CXADR: variants seen among roughly 807,000 people sequenced by gnomAD.
The protein encoded by CXADR is CXADR cell adhesion molecule, also known as coxsackievirus and adenovirus receptor.
A neutral mutation model predicts 40.3 loss-of-function variants in CXADR; 20 were observed. The observed-to-expected ratio is 0.50, with a 90% confidence interval of 0.35 to 0.72. The LOEUF is 0.72. Among genes scored for constraint, CXADR ranks in the 30% least tolerant of loss-of-function variants. CXADR has a pLI of 0.01. For missense variants in CXADR, 332 were observed against 449.1 expected, an observed-to-expected ratio of 0.74 and a Z score of 2.36; for synonymous variants, 150 against 161.3, an observed-to-expected ratio of 0.93 and a Z score of 0.53.
chr21:17,591,060 T>TA lies in CXADR; in HGVS notation c.1018-2084dup, dbSNP rs144886105. 6.5e-3 allele frequency among the ~76,000 whole-genome samples: 988 copies of TA among 152,032 alleles called. 59 individuals are homozygous for TA. The East Asian group carries it at 0.13, about 20-fold the overall frequency. ...TTACCTTCGCACTGGTTCCTTTTTTTAAAAAAAATCTTGGTCTGATAATGA... is the reference window on the plus strand; with the variant it reads ...TTACCTTCGCACTGGTTCCTTTTTTTAAAAAAAAATCTTGGTCTGATAATGA... On this transcript the variant is annotated intron_variant, in intron 7 of 7. Coordinates refer to the CXADR transcript ENST00000400169.
At chr21:17,604,926 A>G in the CXADR span, 22 of 1,614,092 alleles carry the variant, frequency 1.4e-5, no homozygotes, top group East Asian at 2.2e-5. Context: ...GTCACTATAC[A>G]AGATGCAGCT....
chr21:17,533,462 G>C (rs1270724223), intron 1 of CXADR, among the ~76,000 whole-genome samples: 1 of 152,166 alleles, frequency 6.6e-6, no homozygotes, highest in East Asian at 1.9e-4. Flanking sequence ...TGATGTTCGT[G>C]GATTGACTTC....
rs543186109 is a variant in CXADR, at chr21:17,568,007, GAT to G, written c.*2317_*2318del. The G allele has an allele frequency of 7.7e-5, 76 of 984,392 alleles. 1 individual carries two copies. The South Asian group carries it at 2.4e-3, about 31-fold the overall frequency. The allele number at this position is 984,392 out of a possible 1,614,324, so 61.0% of individuals were successfully genotyped here. ...AATACGTTTTCAAGTAGTTCTCACT[GAT>G]AATTTAGTTGAACCAGAGATCAAAT... On this transcript the variant is annotated 3_prime_UTR_variant, in exon 7 of 7. Transcript: ENST00000284878.
At chr21:17,618,666 A>AG in the CXADR span, among the ~76,000 whole-genome samples, 1 of 152,012 alleles carries the variant, frequency 6.6e-6, no homozygotes, top group Non-Finnish European at 1.5e-5. Context: ...CCTCCCAAGT[A>AG]GCTGGGATTA....
intron 1 of CXADR, among the ~76,000 whole-genome samples, chr21:17,539,918 G>GT (rs138106108): frequency 0.01 from 1,557 of 152,268 alleles, 29 homozygotes; most frequent in African/African-American, 0.036. Flanking sequence ...TATGCAGTCT[G>GT]TATTAGTCTG....
chr21:17,514,769 G>A (rs1219059302), intron 1 of CXADR, among the ~76,000 whole-genome samples: 3 of 151,774 alleles, frequency 2.0e-5, no homozygotes, highest in African/African-American at 4.8e-5. Flanking sequence ...GAGTAGCTGG[G>A]ATTACAGGCA....
intron 7 of CXADR, among the ~76,000 whole-genome samples, chr21:17,582,386 CTGTT>C (rs1044019739): frequency 2.0e-5 from 3 of 152,146 alleles, no homozygotes; most frequent in African/African-American, 7.2e-5. Context: ...AGTTATCTGA[CTGTT>C]TGTATTTGCC....
intron 1 of CXADR, among the ~76,000 whole-genome samples, chr21:17,521,741 CAGT>C (rs2060533194): frequency 1.3e-5 from 2 of 152,204 alleles, no homozygotes; most frequent in South Asian, 4.1e-4. Flanking sequence ...TTCCAGAGGA[CAGT>C]AGCATATCCC....
chr21:17,577,095 C>T (rs1413392518), intron 7 of CXADR, among the ~76,000 whole-genome samples: 1 of 152,072 alleles, frequency 6.6e-6, no homozygotes, highest in Non-Finnish European at 1.5e-5. Flanking sequence ...AAAATACCTG[C>T]CAGTAACGAG....
At chr21:17,593,131 T>A in intron 7 of CXADR, 2 of 1,398,850 alleles carry the variant, frequency 1.4e-6, no homozygotes, top group Non-Finnish European at 1.9e-6. Context: ...TATAGAGATA[T>A]CTCTTTTTTT....
At chr21:17,634,182 AAG>A in the CXADR span, among the ~76,000 whole-genome samples, 2 of 152,224 alleles carry the variant, frequency 1.3e-5, no homozygotes, top group South Asian at 4.1e-4. Flanking sequence ...TCATGAACCC[AAG>A]AGTATGATCT....
chr21:17,522,993 TC>T (rs1440707492), intron 1 of CXADR, among the ~76,000 whole-genome samples: 3 of 152,198 alleles, frequency 2.0e-5, no homozygotes, highest in Non-Finnish European at 4.4e-5. Context: ...TTTCCTATTT[TC>T]CCATCTGCTC....
At chr21:17,535,478 CA>C (rs998171242) in intron 1 of CXADR, among the ~76,000 whole-genome samples, 1 of 152,068 alleles carries the variant, frequency 6.6e-6, no homozygotes, top group Non-Finnish European at 1.5e-5. Flanking sequence ...GGGATGGTTA[CA>C]GGGGTGAGCC....
In CXADR at chr21:17,567,889, A is replaced by G. The variant is rs2061232177; in HGVS notation, c.*2197A>G. 1.0e-6 allele frequency: 1 copy of G among 976,136 alleles called. No individual in the cohort carries two copies. The highest frequency in any genetic ancestry group is 4.7e-5 in the South Asian group (1 of 21,076). 60.5% of individuals were successfully genotyped at this position (976,136 alleles called of 1,614,324 possible). ...TTTTTTTTTTAATAACATATGAGGA[A>G]CAAGACTTCTCTTCCCATATACTTC... On this transcript the variant is annotated 3_prime_UTR_variant, in exon 7 of 7. Coordinates refer to ENST00000284878, the MANE Select transcript of CXADR (RefSeq NM_001338.5).
At chr21:17,536,133 A>G (rs1307956135) in intron 1 of CXADR, among the ~76,000 whole-genome samples, 1 of 152,140 alleles carries the variant, frequency 6.6e-6, no homozygotes, top group South Asian at 2.1e-4. Flanking sequence ...CCTTTATTTC[A>G]TCCTAGAGAT....
At chr21:17,607,022 C>A in the CXADR span, among the ~76,000 whole-genome samples, 1 of 152,266 alleles carries the variant, frequency 6.6e-6, no homozygotes, top group African/African-American at 2.4e-5. Flanking sequence ...GAACACTCCA[C>A]CTATTCTACA....
intron 1 of CXADR, among the ~76,000 whole-genome samples, chr21:17,519,537 A>G (rs1189652899): frequency 6.6e-6 from 1 of 152,202 alleles, no homozygotes. Context: ...ACAGTAATGC[A>G]TGTGCCAAAT....
At chr21:17,604,325 A>G in the CXADR span, 1 of 220,964 alleles carries the variant, frequency 4.5e-6, no homozygotes, top group Admixed American at 5.7e-5. Flanking sequence ...GGCGCCTGTA[A>G]TTCCAGCTAC....
chr21:17,560,485 G>C (rs1453719772), intron 4 of CXADR, among the ~76,000 whole-genome samples: 3 of 152,198 alleles, frequency 2.0e-5, no homozygotes, highest in African/African-American at 7.2e-5. Context: ...GTGTGCTGCA[G>C]GGGATCATGG....
Sources: gnomAD v4.1 joint callset for allele counts (sites outside exome capture counted in the v4.1 genomes callset) on GRCh38, gnomAD v4.1.1 for gene constraint, MANE v1.5 for transcripts, NCBI Gene and HGNC (gene_info 2026-07-23, HGNC 2026-07-21) for gene names.